The following ITGB1 variants were observed in gnomAD, a reference collection of about 807,000 sequenced individuals.
The protein encoded by ITGB1 is integrin beta-1.
A neutral mutation model predicts 86.5 loss-of-function variants in ITGB1; 24 were observed. The ratio of observed to expected loss-of-function variants is 0.28; its 90% confidence interval spans 0.20 to 0.39. The LOEUF is 0.39. Ranked by LOEUF, ITGB1 falls within the 10% of genes least tolerant of loss-of-function variation. The pLI, the probability that ITGB1 is intolerant of heterozygous loss-of-function variation, is 1.00. For missense variants in ITGB1, 556 were observed against 946.9 expected (o/e 0.59, Z 5.42); for synonymous variants, 323 against 316.8 (o/e 1.02, Z -0.21).
chr10:32,930,531 T>C (rs937938280), intron 3 of ITGB1, among the ~76,000 whole-genome samples: 2 of 152,174 alleles, frequency 1.3e-5, no homozygotes, highest in African/African-American at 4.8e-5. Context: ...CAATTAATTA[T>C]TGCATTTTTT....
At chr10:32,950,130 A>G (rs1164370883) in intron 1 of ITGB1, among the ~76,000 whole-genome samples, 3 of 152,194 alleles carry the variant, frequency 2.0e-5, no homozygotes, top group Admixed American at 2.0e-4. Context: ...ATAAACTTGG[A>G]TTCATCCCAA....
chr10:32,939,719 GGTAAGTGAGTGAGTGA>G (rs1478940188), intron 1 of ITGB1, among the ~76,000 whole-genome samples: 1,514 of 108,110 alleles, frequency 0.014, 40 homozygotes, highest in African/African-American at 0.047. Flanking sequence ...TGGCTGGGTG[GGTAAGTGAGTGAGTGA>G]GTGAGTGAGT....
chr10:32,916,374 TA>T (rs1318827353), intron 11 of ITGB1, among the ~76,000 whole-genome samples: 2 of 151,190 alleles, frequency 1.3e-5, no homozygotes, highest in Middle Eastern at 3.2e-3. Context: ...GCCCATCAGT[TA>T]ATTAGGAAAA....
intron 1 of ITGB1, among the ~76,000 whole-genome samples, chr10:32,951,132 T>C (rs2095041834): frequency 6.6e-6 from 1 of 152,100 alleles, no homozygotes; most frequent in Non-Finnish European, 1.5e-5. Flanking sequence ...AGAATCTTCT[T>C]TAAAAATAAG....
At chr10:32,944,857 C>G (rs1403534875) in intron 1 of ITGB1, 2 of 1,261,628 alleles carry the variant, frequency 1.6e-6, no homozygotes, top group African/African-American at 1.5e-5. Flanking sequence ...GGGATCCTCT[C>G]ATTCAGCATG....
intron 1 of ITGB1, among the ~76,000 whole-genome samples, chr10:32,947,432 C>CGTGTGTGTGTGTGT (rs1186872641): frequency 0.035 from 4,780 of 137,296 alleles, 147 homozygotes; most frequent in African/African-American, 0.055. Context: ...CACATATAGC[C>CGTGTGTGTGTGTGT]GTGTGTGTGT....
chr10:32,943,697 C>T (rs1472513254), intron 1 of ITGB1, among the ~76,000 whole-genome samples: 2 of 152,060 alleles, frequency 1.3e-5, no homozygotes, highest in Admixed American at 6.5e-5. Context: ...AGTACCAGGT[C>T]ATTGTTTTAG....
At chr10:32,934,194 T>C (rs2094993342) in intron 2 of ITGB1, among the ~76,000 whole-genome samples, 1 of 152,208 alleles carries the variant, frequency 6.6e-6, no homozygotes, top group South Asian at 2.1e-4. Flanking sequence ...CCTCTGTGTC[T>C]GTGGTTTCCA....
chr10:32,918,291 T>C (rs994389156), intron 11 of ITGB1, among the ~76,000 whole-genome samples: 1 of 152,032 alleles, frequency 6.6e-6, no homozygotes, highest in South Asian at 2.1e-4. Context: ...CATGTATACA[T>C]ATGGAACAAA....
chr10:32,922,677 A>T lies in ITGB1; in HGVS notation c.1001T>A (p.Ile334Asn). Residue 334 changes from isoleucine (I) to asparagine (N), a missense_variant, in exon 8 of 16, where the codon ATT becomes AAT. Coordinates refer to ENST00000302278, the MANE Select transcript of ITGB1 (RefSeq NM_002211.4). ...QKLSENNIQT[I>N]FAVTEEFQPV... ...CTGAAATTCTTCAGTAACTGCAAAA[A>T]TTGTCTGAATATTATTTTCACTCAG... is the stretch of plus-strand genomic sequence containing the variant. 6.2e-7 allele frequency: 1 copy of T among 1,606,852 alleles called. No homozygotes were observed. Among genetic ancestry groups the T allele is most frequent in the Non-Finnish European group, 8.5e-7 (1 of 1,174,710 alleles).
In ITGB1 at chr10:32,934,210, G is replaced by A. The variant is rs149734006; in HGVS notation, c.67+1282C>T. Among the ~76,000 whole-genome samples, 7 of 152,266 alleles carry A rather than the reference G, an allele frequency of 4.6e-5. No homozygotes were observed. The East Asian group carries it at 1.3e-3, about 29-fold the overall frequency. ...CTCTGTGTCTGTGGTTTCCAAATCA[G>A]TGGATTCAAGCAACCACGGATCAAA... On this transcript the variant is annotated intron_variant, in intron 2 of 15. Coordinates refer to ENST00000302278, the MANE Select transcript of ITGB1 (RefSeq NM_002211.4).
intron 11 of ITGB1, among the ~76,000 whole-genome samples, chr10:32,913,865 C>T (rs933907958): frequency 6.6e-6 from 1 of 152,144 alleles, no homozygotes; most frequent in African/African-American, 2.4e-5. Context: ...ACATGATTGT[C>T]AGATTCACCA....
chr10:32,928,933 A>G (rs1421567923), intron 4 of ITGB1, among the ~76,000 whole-genome samples: 1 of 152,042 alleles, frequency 6.6e-6, no homozygotes, highest in Non-Finnish European at 1.5e-5. Context: ...TTTAACTTGT[A>G]GTTTTCTCTA....
chr10:32,918,538 C>T (rs578119906), intron 11 of ITGB1, among the ~76,000 whole-genome samples: 2 of 152,094 alleles, frequency 1.3e-5, no homozygotes, highest in East Asian at 3.9e-4. Flanking sequence ...TACACAGGCG[C>T]ACATGTACAT....
intron 15 of ITGB1, among the ~76,000 whole-genome samples, chr10:32,902,100 G>A (rs934277129): frequency 1.3e-5 from 2 of 152,132 alleles, no homozygotes; most frequent in African/African-American, 4.8e-5. Context: ...GTGCTTCTGG[G>A]GTCTCCTACG....
At chr10:32,909,294 C>T (rs185725371) in intron 14 of ITGB1, among the ~76,000 whole-genome samples, 149 of 152,158 alleles carry the variant, frequency 9.8e-4, no homozygotes, top group South Asian at 1.5e-3. Context: ...CAAGTGGACA[C>T]TGACATGAAA....
chr10:32,957,997 G>T (rs565094243), intron 1 of ITGB1, 148 bp downstream of exon 1: 82 of 142,588 alleles, frequency 5.8e-4, no homozygotes, highest in African/African-American at 2.0e-3. Context: ...AACCGCTGGC[G>T]GCCGCCCCCG....
chr10:32,906,096 T>A (rs2094895591), intron 15 of ITGB1, among the ~76,000 whole-genome samples: 1 of 152,016 alleles, frequency 6.6e-6, no homozygotes, highest in Non-Finnish European at 1.5e-5. Flanking sequence ...CATACATATA[T>A]ATGGTCTTCT....
chr10:32,945,902 G>C (rs1274990129), intron 1 of ITGB1, among the ~76,000 whole-genome samples: 1 of 152,034 alleles, frequency 6.6e-6, no homozygotes, highest in Non-Finnish European at 1.5e-5. Flanking sequence ...TTTTCAATTT[G>C]CTATAAAAAT....
Sources: gnomAD v4.1 joint callset for allele counts (sites outside exome capture counted in the v4.1 genomes callset) on GRCh38, gnomAD v4.1.1 for gene constraint, MANE v1.5 for transcripts, NCBI Gene and HGNC (gene_info 2026-07-23, HGNC 2026-07-21) for gene names.